Variants in PLD1 observed in about 807,000 individuals in gnomAD.
The protein encoded by PLD1 is phospholipase D1.
PLD1 carries 112 observed loss-of-function variants against 137.1 expected under a neutral mutation model. The ratio of observed to expected loss-of-function variants is 0.82; its 90% CI spans 0.70 to 0.96. PLD1 has a LOEUF of 0.96. Ranked by LOEUF, PLD1 falls within the 40% of genes least tolerant of loss-of-function variation. PLD1 has a pLI of 0.00. For synonymous variants in PLD1, 431 were observed against 454.7 expected (o/e 0.95, Z 0.66); for missense variants, 1,321 against 1,342.0 (o/e 0.98, Z 0.24).
intron 6 of PLD1, among the ~76,000 whole-genome samples, chr3:171,732,501 C>T (rs544141674): frequency 2.6e-5 from 4 of 152,304 alleles, no homozygotes; most frequent in East Asian, 3.9e-4. Context: ...TGCAAGGCAG[C>T]AGGAAGGCAG....
chr3:171,755,633 C>T (rs1720970958), intron 1 of PLD1, among the ~76,000 whole-genome samples: 1 of 152,208 alleles, frequency 6.6e-6, no homozygotes. Flanking sequence ...GGTTAAAATA[C>T]ATGCTGATGT....
At chr3:171,782,337 G>T (rs1722827783) in intron 1 of PLD1, among the ~76,000 whole-genome samples, 1 of 152,132 alleles carries the variant, frequency 6.6e-6, no homozygotes, top group Admixed American at 6.5e-5. Context: ...TGCAGAGGTG[G>T]TACATGCATT....
chr3:171,631,263 C>A (rs1012020689), intron 23 of PLD1, among the ~76,000 whole-genome samples: 5 of 152,086 alleles, frequency 3.3e-5, no homozygotes, highest in Non-Finnish European at 5.9e-5. Flanking sequence ...TATGGGCCAG[C>A]AATCCCAAAC....
chr3:171,672,763 G>C (rs887419626), intron 19 of PLD1, among the ~76,000 whole-genome samples: 3 of 152,182 alleles, frequency 2.0e-5, no homozygotes, highest in Non-Finnish European at 4.4e-5. Context: ...GGGATTCCAA[G>C]CGTGAGCCAC....
At chr3:171,764,825 GAGAAAGAAAGAAAGAA>G (rs1226169438) in intron 1 of PLD1, among the ~76,000 whole-genome samples, 1,712 of 22,670 alleles carry the variant, frequency 0.076, 44 homozygotes, top group Non-Finnish European at 0.099. Context: ...AAGAAAGAAA[GAGAAAGAAAGAAAGAA>G]AGAAAGAAAG....
intron 25 of PLD1, among the ~76,000 whole-genome samples, chr3:171,609,907 T>TA (rs1732520183): frequency 6.6e-6 from 1 of 151,812 alleles, no homozygotes. Context: ...ATAAAAATAA[T>TA]AAAAAAAGAA....
Position 171,766,062 on chromosome 3 carries a change from G to T in PLD1, c.-31-27980C>A, listed in dbSNP as rs140657832. 2.5e-3 allele frequency among the ~76,000 whole-genome samples: 379 copies of T among 152,158 alleles called. 1 individual carries two copies. Among genetic ancestry groups the T allele is most frequent in the African/African-American group, 8.6e-3 (355 of 41,518 alleles). On this transcript the variant is annotated intron_variant, in intron 1 of 26. Transcript: ENST00000351298. ...TTGTTCTCCAAAGTAAAATGATTCT[G>T]TCCTTTATAAAAATTCATTTTACCT...
Position 171,760,808 on chromosome 3 carries a change from A to G in PLD1, c.-31-22726T>C, listed in dbSNP as rs548517700. On this transcript the variant is annotated intron_variant, in intron 1 of 26. Coordinates refer to ENST00000351298, the MANE Select transcript of PLD1 (RefSeq NM_002662.5). ...GCATGAGTTTTCCACAAGGGACCCA[A>G]GTTCCCAGCCCAAATGAGACAAGCA... Among the ~76,000 whole-genome samples the G allele has an allele frequency of 1.7e-4, 26 of 152,338 alleles. No homozygotes were observed. The South Asian group carries it at 5.2e-3, about 30-fold the overall frequency.
At chr3:171,786,780 C>T (rs967857541) in intron 1 of PLD1, among the ~76,000 whole-genome samples, 1 of 152,004 alleles carries the variant, frequency 6.6e-6, no homozygotes, top group African/African-American at 2.4e-5. Flanking sequence ...ATAAATATCA[C>T]AAAATATCTC....
chr3:171,698,280 G>T (rs753467855), intron 12 of PLD1, among the ~76,000 whole-genome samples: 1 of 152,164 alleles, frequency 6.6e-6, no homozygotes, highest in Non-Finnish European at 1.5e-5. Context: ...GTAACCGTAT[G>T]ATGAATTATT....
intron 20 of PLD1, among the ~76,000 whole-genome samples, chr3:171,659,782 A>G (rs369374362): frequency 1.3e-5 from 2 of 152,194 alleles, no homozygotes; most frequent in South Asian, 4.1e-4. Flanking sequence ...ATTTCCTGGT[A>G]TCTGCTTTCA....
chr3:171,756,168 G>T (rs1031871153), intron 1 of PLD1, among the ~76,000 whole-genome samples: 1 of 152,214 alleles, frequency 6.6e-6, no homozygotes, highest in African/African-American at 2.4e-5. Flanking sequence ...GGCAGGTGAT[G>T]TTAAGGCATT....
intron 24 of PLD1, among the ~76,000 whole-genome samples, chr3:171,617,876 C>T (rs1455836814): frequency 2.0e-5 from 3 of 152,068 alleles, no homozygotes; most frequent in South Asian, 2.1e-4. Flanking sequence ...ATTACTTAAA[C>T]CTCCTTTAAA....
At chr3:171,761,582 C>T (rs1456130576) in intron 1 of PLD1, among the ~76,000 whole-genome samples, 1 of 152,164 alleles carries the variant, frequency 6.6e-6, no homozygotes, top group Non-Finnish European at 1.5e-5. Context: ...GCAGACTCAA[C>T]TTGGATGGAG....
At chr3:171,756,545 G>T (rs1721044269) in intron 1 of PLD1, among the ~76,000 whole-genome samples, 2 of 152,198 alleles carry the variant, frequency 1.3e-5, no homozygotes, top group South Asian at 2.1e-4. Flanking sequence ...CGACGGTGAG[G>T]TTCGGGGGGA....
At chr3:171,609,677 T>C (rs1477038220) in intron 25 of PLD1, among the ~76,000 whole-genome samples, 1 of 152,104 alleles carries the variant, frequency 6.6e-6, no homozygotes, top group African/African-American at 2.4e-5. Context: ...TGTTCTCACT[T>C]ATAAGTGGGA....
At chr3:171,764,809 T>A in intron 1 of PLD1, among the ~76,000 whole-genome samples, 2 of 114,054 alleles carry the variant, frequency 1.8e-5, no homozygotes, top group African/African-American at 3.5e-5. Context: ...AATGGGCAAA[T>A]CAAGAAAGAA....
intron 1 of PLD1, among the ~76,000 whole-genome samples, chr3:171,768,497 G>A (rs1722129393): frequency 6.6e-6 from 1 of 152,222 alleles, no homozygotes; most frequent in African/African-American, 2.4e-5. Context: ...TGATCACACA[G>A]GAACAAGGAG....
At chr3:171,626,346 A>G (rs1042384934) in intron 23 of PLD1, among the ~76,000 whole-genome samples, 2 of 152,226 alleles carry the variant, frequency 1.3e-5, no homozygotes, top group Non-Finnish European at 2.9e-5. Context: ...GAAATATGGG[A>G]CTATGTGAAA....
Sources: allele counts gnomAD v4.1 joint callset (sites outside exome capture counted in the v4.1 genomes callset), GRCh38; gene constraint gnomAD v4.1.1; transcripts MANE v1.5; gene names NCBI Gene and HGNC (gene_info 2026-07-23, HGNC 2026-07-21).